SULT1C4: variants seen among roughly 807,000 people sequenced by gnomAD.
The protein encoded by SULT1C4 is sulfotransferase 1C4.
SULT1C4 carries 32 observed loss-of-function variants against 34.8 expected under a neutral mutation model. The ratio of observed to expected loss-of-function variants is 0.92; its 90% confidence interval spans 0.69 to 1.23. SULT1C4 has a LOEUF of 1.23. Among genes scored for constraint, SULT1C4 ranks in the 50% most tolerant of loss-of-function variants. The probability of loss-of-function intolerance (pLI) is 0.00; values close to 1 mark genes in which losing one functional copy is unlikely to be tolerated. For synonymous variants in SULT1C4, 111 were observed against 120.5 expected (o/e 0.92, Z 0.51); for missense variants, 375 against 365.9 (o/e 1.02, Z -0.20).
intron 5 of SULT1C4, 87 bp from the exon 6 acceptor site, chr2:108,386,105 T>C: frequency 9.4e-7 from 1 of 1,068,620 alleles, no homozygotes; most frequent in Non-Finnish European, 1.2e-6. Context: ...TCGTAATATG[T>C]TACCGGTTAC....
chr2:108,383,372 G>C, intron 4 of SULT1C4, 44 bp from the exon 5 acceptor site: 1 of 1,602,730 alleles, frequency 6.2e-7, no homozygotes, highest in Non-Finnish European at 8.5e-7. Context: ...TGGTATAATA[G>C]GACCTCTGTG....
At position 108,381,810 on chromosome 2, in the gene SULT1C4, A is replaced by G; in HGVS notation, c.218A>G (p.Asp73Gly). The part of the protein sequence containing the change: ...EIVELIQNEG[D>G]VEKSKRAPTH... ...GTGGAATTAATACAAAATGAAGGTG[A>G]TGTGGAGAAAAGTAAACGGGCACCG... is the stretch of plus-strand genomic sequence containing the variant. Residue 73 changes from aspartate (D) to glycine (G), a missense_variant, in exon 2 of 7, where the codon GAT (aspartate) becomes GGT (glycine). Transcript: ENST00000272452. 6.7e-7 allele frequency: 1 copy of G among 1,495,782 alleles called. No homozygotes were observed. The highest frequency in any genetic ancestry group is 2.5e-5 in the Admixed American group (1 of 40,106). The allele number at this position is 1,495,782 out of a possible 1,614,324, so 92.7% of individuals were successfully genotyped here.
In SULT1C4 at chr2:108,387,732, A is replaced by G; in HGVS notation, c.*300A>G. On this transcript the variant is annotated 3_prime_UTR_variant, in exon 7 of 7. Coordinates refer to ENST00000272452, the MANE Select transcript of SULT1C4 (RefSeq NM_006588.4). ...AATCATGTGCTTATTAACATATTGG[A>G]AATGCTTCAGTCCTCACATGATAAT... The G allele has an allele frequency of 3.9e-6, 1 of 257,916 alleles. No individual in the cohort carries two copies. Among genetic ancestry groups the G allele is most frequent in the Non-Finnish European group, 7.3e-6 (1 of 137,200 alleles). The allele number at this position is 257,916 out of a possible 1,614,324, so 16.0% of individuals were successfully genotyped here. A position where few individuals can be genotyped will look rare whatever the true frequency, so the allele number is the denominator to read the frequency against.
rs1326862202 is a variant in SULT1C4, at chr2:108,381,788, G to C, written c.196G>C (p.Glu66Gln). The C allele has an allele frequency of 6.9e-7, 1 of 1,445,834 alleles. No individual in the cohort carries two copies. 89.6% of individuals were successfully genotyped at this position (1,445,834 alleles called of 1,614,324 possible). ...AGTTWTQEIV[E>Q]LIQNEGDVEK... ...AACAACATGGACTCAGGAGATAGTG[G>C]AATTAATACAAAATGAAGGTGATGT... The change falls in exon 2 of 7, where the codon GAA (glutamate) becomes CAA (glutamine). Residue 66 changes from glutamate (E) to glutamine (Q), a missense_variant. Coordinates refer to ENST00000272452, the MANE Select transcript of SULT1C4 (RefSeq NM_006588.4).
chr2:108,382,242 G>T, intron 2 of SULT1C4, 143 bp from the exon 3 acceptor site: 1 of 732,678 alleles, frequency 1.4e-6, no homozygotes, highest in Admixed American at 2.2e-5. Context: ...TCATAGGCTA[G>T]ACGTATTCTC....
chr2:108,387,357 T>C lies in SULT1C4; in HGVS notation c.834T>C (p.Ala278=). 3 of 1,613,812 alleles carry C rather than the reference T, an allele frequency of 1.9e-6. No homozygotes were observed. Among genetic ancestry groups the C allele is most frequent in the Non-Finnish European group, 2.5e-6 (3 of 1,179,890 alleles). ...ACTGGAAGAAACACTTCACCGTGGCTCAGAATGAGAGATTTGATGAAGATT... is the reference window on the plus strand; with the variant it reads ...ACTGGAAGAAACACTTCACCGTGGCCCAGAATGAGAGATTTGATGAAGATT... ...VGDWKKHFTV[A]QNERFDEDYK... Residue 278 remains alanine (A), a synonymous_variant, in exon 7 of 7, where the codon GCT becomes GCC. Transcript: ENST00000272452.
intron 5 of SULT1C4, among the ~76,000 whole-genome samples, chr2:108,385,557 C>T (rs1678544722): frequency 6.6e-6 from 1 of 152,150 alleles, no homozygotes; most frequent in African/African-American, 2.4e-5. Context: ...TTCCACTTTC[C>T]TTCCCCACCC....
At chr2:108,384,233 T>A (rs59701000) in intron 5 of SULT1C4, among the ~76,000 whole-genome samples, 44,479 of 138,856 alleles carry the variant, frequency 0.32, 8,268 homozygotes, top group African/African-American at 0.6. Flanking sequence ...TATTTATTTA[T>A]TTTATTTATT....
intron 1 of SULT1C4, among the ~76,000 whole-genome samples, chr2:108,380,179 G>A (rs929642500): frequency 5.3e-5 from 8 of 152,020 alleles, no homozygotes; most frequent in East Asian, 1.9e-4. Flanking sequence ...ATAGAGTTTC[G>A]GCCAGATAAT....
chr2:108,382,968 G>GA (rs1165219025), intron 3 of SULT1C4, 125 bp from the exon 4 acceptor site: 6 of 627,908 alleles, frequency 9.6e-6, no homozygotes, highest in South Asian at 4.9e-5. Context: ...TGCAGCCTCA[G>GA]AAAAAATGAA....
intron 1 of SULT1C4, 113 bp from the exon 2 acceptor site, chr2:108,381,649 A>G (rs1223499231): frequency 2.5e-6 from 3 of 1,206,634 alleles, no homozygotes; most frequent in Non-Finnish European, 3.2e-6. Flanking sequence ...CTCAAAAAAC[A>G]AAACAAAACA....
Position 108,386,349 on chromosome 2 carries a change from C to T in SULT1C4, c.773C>T (p.Ser258Phe), listed in dbSNP as rs1309232256. 2.0e-6 allele frequency: 3 copies of T among 1,505,330 alleles called. No individual in the cohort carries two copies. Among genetic ancestry groups the T allele is most frequent in the African/African-American group, 2.8e-5 (2 of 71,188 alleles). 93.2% of individuals were successfully genotyped at this position (1,505,330 alleles called of 1,614,324 possible). The change falls in exon 6 of 7, where the codon TCC (serine) becomes TTC (phenylalanine). Residue 258 changes from serine (S) to phenylalanine (F), a missense_variant. By Grantham distance (155) the Ser-to-Phe change is radical (BLOSUM62 -2). Transcript: ENST00000272452. ...ATTCCTGCTGAAATCATGGACCACT[C>T]CATTTCTCCATTCATGAGAAAAGGT... ...SSIPAEIMDHSISPFMRKGAV... is the reference protein window; with the variant it reads ...SSIPAEIMDHFISPFMRKGAV...
At position 108,386,204 on chromosome 2, in the gene SULT1C4, G is replaced by T. The variant is rs748046381; in HGVS notation, c.628G>T (p.Glu210Ter). ...YEDMKKNPKH[E>*]IQKLAEFIGK... Reference sequence around the variant, plus strand: ...ACTCTGATCATAGAACCCAAAGCATGAAATTCAGAAGCTGGCAGAATTTAT... The same window carrying T: ...ACTCTGATCATAGAACCCAAAGCATTAAATTCAGAAGCTGGCAGAATTTAT... Residue 210 changes from glutamate (E) to a stop codon, truncating the protein, a stop_gained, in exon 6 of 7, where the codon GAA becomes TAA. Coordinates refer to ENST00000272452, the MANE Select transcript of SULT1C4 (RefSeq NM_006588.4). LOFTEE classifies it high-confidence loss of function. 6.7e-7 allele frequency: 1 copy of T among 1,503,458 alleles called. No individual in the cohort carries two copies. The highest frequency in any genetic ancestry group is 8.9e-7 in the Non-Finnish European group (1 of 1,121,962). 93.1% of individuals were successfully genotyped at this position (1,503,458 alleles called of 1,614,324 possible). A position where few individuals can be genotyped will look rare whatever the true frequency, so the allele number is the denominator to read the frequency against.
intron 1 of SULT1C4, among the ~76,000 whole-genome samples, chr2:108,378,935 G>A (rs1030147544): frequency 6.6e-6 from 1 of 152,086 alleles, no homozygotes; most frequent in South Asian, 2.1e-4. Context: ...TATCACCTCA[G>A]CAGCCCTCCC....
At chr2:108,386,959 T>C (rs1306171837) in intron 6 of SULT1C4, among the ~76,000 whole-genome samples, 1 of 152,170 alleles carries the variant, frequency 6.6e-6, no homozygotes, top group Non-Finnish European at 1.5e-5. Context: ...CTCCCAGAAA[T>C]AGGCCCTTCT....
chr2:108,383,563 C>A (rs762337731), intron 5 of SULT1C4, 53 bp downstream of exon 5: 96 of 1,518,816 alleles, frequency 6.3e-5, no homozygotes, highest in Non-Finnish European at 8.4e-5. Flanking sequence ...ACATTTAAGT[C>A]ATAATGCATT....
intron 1 of SULT1C4, among the ~76,000 whole-genome samples, chr2:108,379,080 G>A (rs114877847): frequency 1.1e-4 from 16 of 152,230 alleles, no homozygotes; most frequent in African/African-American, 3.6e-4. Context: ...GAGCCACCAC[G>A]TCATAAAAAT....
chr2:108,380,833 C>T (rs1018457321), intron 1 of SULT1C4, among the ~76,000 whole-genome samples: 2 of 152,198 alleles, frequency 1.3e-5, no homozygotes, highest in African/African-American at 4.8e-5. Flanking sequence ...CTTCTATCTC[C>T]CCACTGCCTT....
chr2:108,381,867 A>G lies in SULT1C4; in HGVS notation c.275A>G (p.Lys92Arg), dbSNP rs756309632. 1.1e-5 allele frequency: 17 copies of G among 1,492,602 alleles called. No individual in the cohort carries two copies. The Admixed American group carries it at 2.3e-4, about 20-fold the overall frequency. 92.5% of individuals were successfully genotyped at this position (1,492,602 alleles called of 1,614,324 possible). ...CAACGATTTCCTTTCCTCGAAATGA[A>G]AATCCCATCCTTAGGATCTGGTGAG... ...THQRFPFLEM[K>R]IPSLGSGLEQ... Residue 92 changes from lysine to arginine, a missense_variant, in exon 2 of 7, where the codon AAA (lysine) becomes AGA (arginine). By Grantham distance (26) the Lys-to-Arg change is conservative. Transcript: ENST00000272452.
Sources: allele counts gnomAD v4.1 joint callset (sites outside exome capture counted in the v4.1 genomes callset), GRCh38; gene constraint gnomAD v4.1.1; transcripts MANE v1.5; gene names NCBI Gene and HGNC (gene_info 2026-07-23, HGNC 2026-07-21).